TRIM50: variants seen among roughly 807,000 people sequenced by gnomAD.
TRIM50 encodes the protein tripartite motif containing 50.
In TRIM50, 34 loss-of-function variants were observed where a neutral mutation model predicts 44.9. The ratio of observed to expected loss-of-function variants is 0.76; its 90% CI spans 0.58 to 1.01. The LOEUF (loss-of-function observed/expected upper bound fraction) is 1.01, where lower values mean the gene tolerates loss of function less well. Among genes scored for constraint, TRIM50 ranks in the 50% least tolerant of loss-of-function variants. TRIM50 has a pLI of 0.00. For synonymous variants in TRIM50, 307 were observed against 291.1 expected (o/e 1.05, Z -0.56); for missense variants, 633 against 663.7 (o/e 0.95, Z 0.51).
rs1804254831 is a variant in TRIM50, at chr7:73,312,921, C to T, written c.1464G>A (p.Ter488=). 1 of 1,537,232 alleles carries T rather than the reference C, an allele frequency of 6.5e-7. No homozygotes were observed. Among genetic ancestry groups the T allele is most frequent in the Non-Finnish European group, 8.8e-7 (1 of 1,141,458 alleles). Residue 488 remains the stop codon, a stop_retained_variant, in exon 7 of 7, where the codon TAG becomes TAA. Transcript: ENST00000333149. ...PLSPEQPTKL[*] ...TGGGCCGGCAGGACTCCGGGCGGCC[C>T]TACAGCTTGGTGGGCTGCTCGGGGC...
intron 3 of TRIM50, among the ~76,000 whole-genome samples, chr7:73,319,811 C>T (rs1390819295): frequency 6.6e-6 from 1 of 152,156 alleles, no homozygotes; most frequent in Non-Finnish European, 1.5e-5. Context: ...TGGGAGGGCA[C>T]CATGACAGGC....
chr7:73,321,758 A>C (rs1384795762), intron 2 of TRIM50: 1 of 152,228 alleles, frequency 6.6e-6, no homozygotes, highest in Non-Finnish European at 1.5e-5. Context: ...GGAGTTGCGT[A>C]AAGAATCAAG....
In TRIM50 at chr7:73,324,755, C is replaced by G; in HGVS notation, c.33G>C (p.Glu11Asp). The change falls in exon 2 of 7, where the codon GAG becomes GAC. Residue 11 changes from glutamate (E) to aspartate (D), a missense_variant. Physicochemically the swap from Glu to Asp is conservative, Grantham distance 45 (BLOSUM62 2). Transcript: ENST00000333149. ...GGCAGATGGGACACTGAAGCCGGTC[C>G]TCCAGCTCTGGCAGGCTCACCTGCC... is the stretch of plus-strand genomic sequence containing the variant. MAWQVSLPEL[E>D]DRLQCPICLE... 2 of 1,614,136 alleles carry G rather than the reference C, an allele frequency of 1.2e-6. No individual in the cohort carries two copies. Among genetic ancestry groups the G allele is most frequent in the South Asian group, 1.1e-5 (1 of 91,074 alleles).
intron 2 of TRIM50, among the ~76,000 whole-genome samples, chr7:73,324,188 C>T (rs1376138826): frequency 6.6e-6 from 1 of 152,174 alleles, no homozygotes; most frequent in Admixed American, 6.5e-5. Context: ...CACCAGGGAG[C>T]TCCCATCCTG....
intron 2 of TRIM50, 132 bp downstream of exon 2, chr7:73,324,257 G>C (rs1283420549): frequency 1.3e-6 from 2 of 1,500,098 alleles, no homozygotes; most frequent in Admixed American, 4.4e-5. Context: ...GCTAAGGAAT[G>C]AATGCGCCAG....
At position 73,313,301 on chromosome 7, in the gene TRIM50, G is replaced by T. The variant is rs202235505; in HGVS notation, c.1084C>A (p.Arg362Ser). Reference protein sequence around the residue: ...EVVVGSKSDWRLGVIKGTASR... With the variant: ...EVVVGSKSDWSLGVIKGTASR... ...GCTGTGCCCTTGATGACCCCCAGGC[G>T]CCAGTCGCTCTTGCTGCCCACCACC... Residue 362 changes from arginine (R) to serine (S), a missense_variant, in exon 7 of 7, where the codon CGC becomes AGC. Coordinates refer to ENST00000333149, the MANE Select transcript of TRIM50 (RefSeq NM_178125.3). The surrounding 1 kb of genome is among the most constrained non-coding windows in gnomAD (Gnocchi z 4.9). The T allele has an allele frequency of 6.2e-7, 1 of 1,605,314 alleles. No homozygotes were observed.
Position 73,312,773 on chromosome 7 carries a change from C to T in TRIM50, c.*148G>A. 1 of 657,516 alleles carries T rather than the reference C, an allele frequency of 1.5e-6. No homozygotes were observed. Among genetic ancestry groups the T allele is most frequent in the South Asian group, 2.0e-5 (1 of 50,486 alleles). The allele number at this position is 657,516 out of a possible 1,614,324, so 40.7% of individuals were successfully genotyped here. A position where few individuals can be genotyped will look rare whatever the true frequency, so the allele number is the denominator to read the frequency against. ...AGGGGAAAGGGACTGGGGTCCTGTT[C>T]CCTATCATTACATGTTCCAGGGACA... On this transcript the variant is annotated 3_prime_UTR_variant, in exon 7 of 7. Coordinates refer to ENST00000333149, the MANE Select transcript of TRIM50 (RefSeq NM_178125.3).
intron 6 of TRIM50, chr7:73,314,117 GA>G: frequency 2.9e-6 from 1 of 349,892 alleles, no homozygotes; most frequent in Non-Finnish European, 5.3e-6. Context: ...TTGCCGCAAG[GA>G]AAGAAGGCCA....
intron 6 of TRIM50, chr7:73,314,281 C>T: frequency 3.0e-6 from 1 of 328,464 alleles, no homozygotes. Context: ...AATGGTCCTG[C>T]TCGGTCAGGG....
rs782216370 is a variant in TRIM50 at position 73,313,412 on chromosome 7, G to C, written c.973C>G (p.Arg325Gly). The change falls in exon 7 of 7, where the codon CGA becomes GGA. Residue 325 changes from arginine (R) to glycine (G), a missense_variant. By Grantham distance (125) the Arg-to-Gly change is moderately radical (BLOSUM62 -2). Coordinates refer to ENST00000333149, the MANE Select transcript of TRIM50 (RefSeq NM_178125.3). This position sits in a 1 kb window ranked among gnomAD's most constrained non-coding sequence, Gnocchi z 4.9. The part of the protein sequence containing the change: ...VVQCGLLAQR[R>G]ASQPERFDYS... Reference sequence around the variant, plus strand: ...TCGAAGCGCTCAGGCTGGCTGGCTCGCCGCTGGGCCAGAAGCCCGCACTGC... The same window carrying C: ...TCGAAGCGCTCAGGCTGGCTGGCTCCCCGCTGGGCCAGAAGCCCGCACTGC... 7 of 1,573,898 alleles carry C rather than the reference G, an allele frequency of 4.4e-6. No homozygotes were observed. The Admixed American group carries it at 1.3e-4, about 29-fold the overall frequency.
In TRIM50 at chr7:73,319,017, G is replaced by A. The variant is rs1194371507; in HGVS notation, c.531C>T (p.Arg177=). ...CCAGGTGGTGCAGCTCCTGGAACTC[G>A]CGGCGGATCACCCAGCTGAAGACAT... ...ESDVFSWVIR[R]EFQELHHLVD... The change falls in exon 4 of 7, where the codon CGC becomes CGT. Residue 177 remains arginine, a synonymous_variant. Transcript: ENST00000333149. 13 of 1,613,862 alleles carry A rather than the reference G, an allele frequency of 8.1e-6. No homozygotes were observed. Among genetic ancestry groups the A allele is most frequent in the Middle Eastern group, 1.6e-4 (1 of 6,078 alleles).
Position 73,320,168 on chromosome 7 carries a change from C to T in TRIM50, c.474G>A (p.Val158=). The change falls in exon 3 of 7, where the codon GTG becomes GTA. Residue 158 remains valine (V), a synonymous_variant. Transcript: ENST00000333149. ...KKVDELIAKL[V]NNRTRIVNES... is the part of the protein sequence containing the mutation. Reference sequence around the variant, plus strand: ...TCACGACGATTCGGGTCCGGTTGTTCACCAGTTTGGCGATGAGCTCATCCA... The same window carrying T: ...TCACGACGATTCGGGTCCGGTTGTTTACCAGTTTGGCGATGAGCTCATCCA... 2 of 1,613,998 alleles carry T rather than the reference C, an allele frequency of 1.2e-6. No homozygotes were observed. Among genetic ancestry groups the T allele is most frequent in the South Asian group, 1.1e-5 (1 of 91,076 alleles).
chr7:73,316,646 G>A lies in TRIM50; in HGVS notation c.793C>T (p.Pro265Ser). 1.9e-6 allele frequency: 3 copies of A among 1,614,208 alleles called. No homozygotes were observed. In the South Asian group the frequency reaches 3.3e-5, roughly 18 times the overall value. Residue 265 changes from proline to serine, a missense_variant, in exon 6 of 7, where the codon CCC becomes TCC. Physicochemically the swap from Pro to Ser is moderately conservative, Grantham distance 74 (BLOSUM62 -1). Transcript: ENST00000333149. The part of the protein sequence containing the change: ...QARPLEGAFS[P>S]ISFKPGLHQA... ...TGGAGGCCTGGCTTGAAGGAGATGG[G>A]GCTGAATGCGCCTTCTAAGGGCCGG...
At chr7:73,327,088 T>G (rs2115795066) in intron 1 of TRIM50, among the ~76,000 whole-genome samples, 1 of 152,252 alleles carries the variant, frequency 6.6e-6, no homozygotes, top group East Asian at 1.9e-4. Context: ...ACCGCGCCTG[T>G]CCTGTTATAC....
At chr7:73,316,841 C>T (rs1187874212) in intron 5 of TRIM50, 152 bp from the exon 6 acceptor site, 2 of 1,173,192 alleles carry the variant, frequency 1.7e-6, no homozygotes, top group Non-Finnish European at 2.3e-6. Context: ...CTGCACAGCC[C>T]CTTCAGGGAG....
intron 2 of TRIM50, among the ~76,000 whole-genome samples, chr7:73,323,235 A>G (rs1222557517): frequency 6.6e-6 from 1 of 151,996 alleles, no homozygotes; most frequent in Non-Finnish European, 1.5e-5. Flanking sequence ...CCTGTGAATA[A>G]ACTCCAAATC....
chr7:73,314,995 G>C, intron 6 of TRIM50: 1 of 354,432 alleles, frequency 2.8e-6, no homozygotes, highest in Non-Finnish European at 5.4e-6. Flanking sequence ...GGGATGTCTA[G>C]TCCCCAGGAA....
At position 73,326,934 on chromosome 7, in the gene TRIM50, C is replaced by T. The variant is rs569378746; in HGVS notation, c.-19+966G>A. On this transcript the variant is annotated intron_variant, in intron 1 of 6. Coordinates refer to ENST00000333149, the MANE Select transcript of TRIM50 (RefSeq NM_178125.3). Reference sequence around the variant, plus strand: ...CCTCCCAAGTAGCTGGGGTTACAGGCGCCTGCCACCATGCCCGGCTAATTC... The same window carrying T: ...CCTCCCAAGTAGCTGGGGTTACAGGTGCCTGCCACCATGCCCGGCTAATTC... 4.8e-4 allele frequency among the ~76,000 whole-genome samples: 73 copies of T among 152,152 alleles called. No homozygotes were observed. In the South Asian group the frequency reaches 0.014, roughly 29 times the overall value.
At chr7:73,319,611 TG>T (rs1804444931) in intron 3 of TRIM50, among the ~76,000 whole-genome samples, 4 of 152,232 alleles carry the variant, frequency 2.6e-5, no homozygotes, top group Non-Finnish European at 5.9e-5. Context: ...TGGTACCGCC[TG>T]CCGCGCAAGG....
Sources: gnomAD v4.1 joint callset for allele counts (sites outside exome capture counted in the v4.1 genomes callset) on GRCh38, gnomAD v4.1.1 for gene constraint, Gnocchi (gnomAD v3.1) non-coding constraint, MANE v1.5 for transcripts, NCBI Gene and HGNC (gene_info 2026-07-23, HGNC 2026-07-21) for gene names.